The following CELF2 variants were observed in gnomAD, a reference collection of about 807,000 sequenced individuals.
The protein encoded by CELF2 is CUG triplet repeat RNA-binding protein 2.
Under a neutral mutation model 62.6 loss-of-function variants are expected in CELF2, and 8 were observed. The observed-to-expected ratio is 0.13, with a 90% CI of 0.07 to 0.23. The LOEUF is 0.23. CELF2 is among the 10% of genes least tolerant of loss of function. CELF2 has a pLI of 1.00. For synonymous variants in CELF2, 258 were observed against 250.0 expected (o/e 1.03, Z -0.30); for missense variants, 333 against 671.0 (o/e 0.50, Z 5.56).
chr10:10,865,044 A>C (rs2060271520), intron 1 of CELF2, among the ~76,000 whole-genome samples: 1 of 152,222 alleles, frequency 6.6e-6, no homozygotes, highest in Non-Finnish European at 1.5e-5. Flanking sequence ...TATTCATTTA[A>C]AAATCTATCT....
At chr10:10,494,181 C>T in the CELF2 span, among the ~76,000 whole-genome samples, 9 of 152,286 alleles carry the variant, frequency 5.9e-5, no homozygotes, top group African/African-American at 1.2e-4. Context: ...ATGTAGACCA[C>T]GCTGCAGGAA....
chr10:10,856,627 G>A (rs953686353), intron 1 of CELF2, among the ~76,000 whole-genome samples: 3 of 152,076 alleles, frequency 2.0e-5, no homozygotes, highest in South Asian at 2.1e-4. Flanking sequence ...TTTGTTAAAC[G>A]TTGAGTCACT....
At chr10:10,538,183 G>T in the CELF2 span, among the ~76,000 whole-genome samples, 1 of 152,138 alleles carries the variant, frequency 6.6e-6, no homozygotes, top group African/African-American at 2.4e-5. Context: ...CAGTAGCAGG[G>T]TACTACCACT....
At chr10:11,037,509 C>T (rs1372079093) in intron 1 of CELF2, among the ~76,000 whole-genome samples, 1 of 152,180 alleles carries the variant, frequency 6.6e-6, no homozygotes, top group Non-Finnish European at 1.5e-5. Context: ...GTTCCTCAGT[C>T]TCAGTAGCCT....
In CELF2 at chr10:11,289,204, C is replaced by T. The variant is rs115898990; in HGVS notation, c.976+652C>T. 2.9e-3 allele frequency among the ~76,000 whole-genome samples: 443 copies of T among 152,116 alleles called. 4 individuals are homozygous for T. The highest frequency in any genetic ancestry group is 0.01 in the African/African-American group (421 of 41,492). ...TTGTTTTTTTTTAATTTAAAAAAGT[C>T]GAACGTTTCACTGGCTTTCCATCTC... On this transcript the variant is annotated intron_variant, in intron 9 of 12. Transcript: ENST00000633077.
intron 2 of CELF2, chr10:10,951,728 ACT>A (rs2048341082): frequency 6.6e-6 from 1 of 152,202 alleles, no homozygotes; most frequent in African/African-American, 2.4e-5. Context: ...TTTAAATCAA[ACT>A]CTACTTAGAA....
chr10:11,238,696 T>G (rs6602488), intron 3 of CELF2, among the ~76,000 whole-genome samples: 62,788 of 152,016 alleles, frequency 0.41, 12,947 homozygotes, highest in East Asian at 0.47. Flanking sequence ...GGCATCAGTT[T>G]ATTCATCTTT....
At chr10:11,062,445 A>G (rs1470126780) in intron 1 of CELF2, among the ~76,000 whole-genome samples, 1 of 152,258 alleles carries the variant, frequency 6.6e-6, no homozygotes, top group African/African-American at 2.4e-5. Context: ...AAGAACATTC[A>G]TGATTCGTGG....
At chr10:10,937,253 T>A (rs1351539070) in intron 2 of CELF2, among the ~76,000 whole-genome samples, 5 of 148,910 alleles carry the variant, frequency 3.4e-5, no homozygotes, top group Non-Finnish European at 7.4e-5. Flanking sequence ...TGCCGCAGCC[T>A]CCCAAGTAGC....
the CELF2 span, among the ~76,000 whole-genome samples, chr10:10,474,444 T>C: frequency 6.6e-6 from 1 of 152,108 alleles, no homozygotes; most frequent in Non-Finnish European, 1.5e-5. Flanking sequence ...TTAAACATAG[T>C]AGGCTTTGCA....
chr10:10,551,315 G>A, the CELF2 span, among the ~76,000 whole-genome samples: 2 of 152,130 alleles, frequency 1.3e-5, no homozygotes, highest in Non-Finnish European at 2.9e-5. Context: ...GAATGGATCA[G>A]TGCAGCTCAA....
rs2053861113 is a variant in CELF2, at chr10:10,995,535, A to G, written c.89+75536A>G. ...GAAATTGTGTATTTGAGGAATTGGA[A>G]GAAGTTCAGGTGTGCCAGGTGAGAA... On this transcript the variant is annotated intron_variant, in intron 2 of 13. Transcript: ENST00000636488. The surrounding 1 kb of genome is among the most constrained non-coding windows in gnomAD (Gnocchi z 4.7). Among the ~76,000 whole-genome samples, 1 of 152,224 alleles carries G rather than the reference A, an allele frequency of 6.6e-6. No individual in the cohort carries two copies.
chr10:10,561,542 G>GTA, the CELF2 span, among the ~76,000 whole-genome samples: 22 of 152,220 alleles, frequency 1.4e-4, no homozygotes, highest in Admixed American at 1.4e-3. Flanking sequence ...AAGACATTAA[G>GTA]TATCTTGGAT....
At chr10:10,602,792 T>C in the CELF2 span, among the ~76,000 whole-genome samples, 1 of 152,096 alleles carries the variant, frequency 6.6e-6, no homozygotes, top group Non-Finnish European at 1.5e-5. Context: ...ATGCTCACCA[T>C]GTGCCACAGA....
the CELF2 span, among the ~76,000 whole-genome samples, chr10:10,650,345 C>T: frequency 1.3e-5 from 2 of 152,106 alleles, no homozygotes; most frequent in African/African-American, 2.4e-5. Flanking sequence ...AACTTTTGCT[C>T]TTCATCTTGC....
At chr10:10,844,549 C>T (rs12783460) in intron 1 of CELF2, among the ~76,000 whole-genome samples, 18,958 of 151,986 alleles carry the variant, frequency 0.12, 1,527 homozygotes, top group Non-Finnish European at 0.19. Context: ...CAGTTTTATC[C>T]CAGAAAAATG....
At chr10:10,675,758 G>A in the CELF2 span, among the ~76,000 whole-genome samples, 1 of 152,082 alleles carries the variant, frequency 6.6e-6, no homozygotes, top group East Asian at 1.9e-4. Context: ...GCCCATTAAA[G>A]GCATTCTTCC....
At chr10:10,677,714 C>A in the CELF2 span, among the ~76,000 whole-genome samples, 1 of 152,144 alleles carries the variant, frequency 6.6e-6, no homozygotes, top group African/African-American at 2.4e-5. Context: ...TTGGAAGCAG[C>A]CTCATGTTTA....
At chr10:11,252,813 C>T (rs566766022) in intron 4 of CELF2, among the ~76,000 whole-genome samples, 1 of 152,328 alleles carries the variant, frequency 6.6e-6, no homozygotes, top group Admixed American at 6.5e-5. Flanking sequence ...ACTGCTGGGG[C>T]TGCTAAGAGG....
Sources: gnomAD v4.1 joint callset for allele counts (sites outside exome capture counted in the v4.1 genomes callset) on GRCh38, gnomAD v4.1.1 for gene constraint, Gnocchi (gnomAD v3.1) non-coding constraint, MANE v1.5 for transcripts, NCBI Gene and HGNC (gene_info 2026-07-23, HGNC 2026-07-21) for gene names.